Variants in SOX6 observed in about 807,000 individuals in gnomAD.
SOX6 encodes transcription factor SOX-6.
In SOX6, 11 loss-of-function variants were observed where a neutral mutation model predicts 97.8. The ratio of observed to expected loss-of-function variants is 0.11; its 90% confidence interval spans 0.07 to 0.19. The LOEUF is 0.19. Among genes scored for constraint, SOX6 ranks in the 10% least tolerant of loss-of-function variants. SOX6 has a pLI of 1.00. For synonymous variants in SOX6, 360 were observed against 371.4 expected, an observed-to-expected ratio of 0.97 and a Z score of 0.35; for missense variants, 810 against 1,039.5, an observed-to-expected ratio of 0.78 and a Z score of 3.04.
chr11:16,691,125 C>G (rs1296186241), intron 3 of SOX6, among the ~76,000 whole-genome samples: 1 of 152,130 alleles, frequency 6.6e-6, no homozygotes, highest in African/African-American at 2.4e-5. Context: ...TTTCATGACC[C>G]TCCTTGGAGT....
intron 3 of SOX6, among the ~76,000 whole-genome samples, chr11:16,674,613 A>C (rs1430930291): frequency 1.3e-5 from 2 of 152,150 alleles, no homozygotes; most frequent in African/African-American, 4.8e-5. Flanking sequence ...CACACATGTA[A>C]TCCCAGCACT....
intron 6 of SOX6, among the ~76,000 whole-genome samples, chr11:16,119,335 T>G (rs1433796925): frequency 6.6e-6 from 1 of 152,158 alleles, no homozygotes; most frequent in African/African-American, 2.4e-5. Context: ...ACAGAAACCC[T>G]TTTAGTCTCA....
intron 9 of SOX6, among the ~76,000 whole-genome samples, chr11:16,091,699 T>C (rs1848692202): frequency 6.6e-6 from 1 of 152,052 alleles, no homozygotes; most frequent in African/African-American, 2.4e-5. Context: ...AAGAATAACG[T>C]ATGGTTGACA....
chr11:16,712,973 C>T (rs1313988942), intron 3 of SOX6, among the ~76,000 whole-genome samples: 2 of 152,110 alleles, frequency 1.3e-5, no homozygotes, highest in Non-Finnish European at 2.9e-5. Flanking sequence ...TATCATGCTG[C>T]CACCTTAAAG....
intron 1 of SOX6, among the ~76,000 whole-genome samples, chr11:16,347,511 G>A (rs1856801646): frequency 6.6e-6 from 1 of 152,074 alleles, no homozygotes; most frequent in African/African-American, 2.4e-5. Flanking sequence ...TGGCTGGAGT[G>A]AAAGAAAGCT....
chr11:16,152,551 A>G (rs1278430954), intron 6 of SOX6, among the ~76,000 whole-genome samples: 2 of 152,202 alleles, frequency 1.3e-5, no homozygotes, highest in East Asian at 3.8e-4. Context: ...ACCCTTTACC[A>G]TTAATACAGG....
intron 10 of SOX6, among the ~76,000 whole-genome samples, chr11:16,052,683 G>C (rs1419856248): frequency 6.6e-6 from 1 of 152,130 alleles, no homozygotes; most frequent in Non-Finnish European, 1.5e-5. Flanking sequence ...CTTCTGGAGT[G>C]ACGAAGTTTC....
At chr11:16,623,024 T>C (rs79904910) in intron 3 of SOX6, among the ~76,000 whole-genome samples, 2 of 152,116 alleles carry the variant, frequency 1.3e-5, no homozygotes, top group East Asian at 3.9e-4. Flanking sequence ...ATTAGTGATG[T>C]TGAGCATTTT....
At chr11:16,248,480 A>C (rs1853407291) in intron 3 of SOX6, among the ~76,000 whole-genome samples, 1 of 152,138 alleles carries the variant, frequency 6.6e-6, no homozygotes, top group South Asian at 2.1e-4. Context: ...CATCCTCTGA[A>C]ATCTAGGCAA....
At chr11:16,588,486 G>T (rs576396379) in intron 4 of SOX6, among the ~76,000 whole-genome samples, 2 of 152,278 alleles carry the variant, frequency 1.3e-5, no homozygotes, top group South Asian at 4.1e-4. Context: ...CCTAAGTGCT[G>T]CCTTACTGTC....
intron 1 of SOX6, among the ~76,000 whole-genome samples, chr11:16,403,853 A>G (rs1213419213): frequency 6.6e-6 from 1 of 151,694 alleles, no homozygotes; most frequent in Non-Finnish European, 1.5e-5. Context: ...TAAAAAAAAA[A>G]GAATTAAAAT....
intron 4 of SOX6, among the ~76,000 whole-genome samples, chr11:16,205,057 C>CATT (rs1852037655): frequency 6.6e-6 from 1 of 152,074 alleles, no homozygotes; most frequent in African/African-American, 2.4e-5. Context: ...AACATTGGTT[C>CATT]TTAATTCAGC....
chr11:16,485,250 A>G (rs1237781788), intron 4 of SOX6, among the ~76,000 whole-genome samples: 2 of 152,174 alleles, frequency 1.3e-5, no homozygotes, highest in African/African-American at 4.8e-5. Context: ...ATCTATGAAC[A>G]AAGGTGGTCA....
At chr11:16,690,437 T>C (rs1001194498) in intron 3 of SOX6, among the ~76,000 whole-genome samples, 1 of 152,348 alleles carries the variant, frequency 6.6e-6, no homozygotes, top group Non-Finnish European at 1.5e-5. Flanking sequence ...TTTGACTCTT[T>C]ATTCTTGCTT....
chr11:16,220,189 G>T (rs1465090267), intron 4 of SOX6, among the ~76,000 whole-genome samples: 2 of 151,922 alleles, frequency 1.3e-5, no homozygotes, highest in Non-Finnish European at 2.9e-5. Flanking sequence ...TTAACTGTGT[G>T]TTCAGAAATA....
At chr11:16,612,278 T>C (rs1292735050) in intron 3 of SOX6, 2 of 144,802 alleles carry the variant, frequency 1.4e-5, no homozygotes, top group Non-Finnish European at 3.0e-5. Flanking sequence ...AAAAAAAATC[T>C]ACACGTCACA....
At chr11:16,159,118 T>C (rs780236519) in intron 6 of SOX6, among the ~76,000 whole-genome samples, 54 of 152,196 alleles carry the variant, frequency 3.5e-4, no homozygotes, top group Non-Finnish European at 7.2e-4. Context: ...ATAAACACTT[T>C]TAAGAGAATA....
intron 3 of SOX6, among the ~76,000 whole-genome samples, chr11:16,649,798 A>G (rs1849066824): frequency 6.6e-6 from 1 of 152,166 alleles, no homozygotes; most frequent in South Asian, 2.1e-4. Context: ...TTGAAGGTAA[A>G]TGGCCTAAAT....
intron 15 of SOX6, among the ~76,000 whole-genome samples, chr11:15,983,127 TACAA>T (rs1485553430): frequency 1.3e-5 from 2 of 152,116 alleles, no homozygotes; most frequent in Non-Finnish European, 1.5e-5. Context: ...GCCAGATACA[TACAA>T]ACAAATATAC....
Sources: gnomAD v4.1 joint callset for allele counts (sites outside exome capture counted in the v4.1 genomes callset) on GRCh38, gnomAD v4.1.1 for gene constraint, MANE v1.5 for transcripts, NCBI Gene and HGNC (gene_info 2026-07-23, HGNC 2026-07-21) for gene names.